The following DNAH10 variants were observed in gnomAD, a reference collection of about 807,000 sequenced individuals.
DNAH10 encodes axonemal beta dynein heavy chain 10.
In DNAH10, 348 loss-of-function variants were observed where a neutral mutation model predicts 506.6. The ratio of observed to expected loss-of-function variants is 0.69; its 90% confidence interval spans 0.63 to 0.75. The LOEUF (loss-of-function observed/expected upper bound fraction) is 0.75. Ranked by LOEUF, DNAH10 falls within the 30% of genes least tolerant of loss-of-function variation. The pLI is 0.00. For missense variants in DNAH10, 5,179 were observed against 5,787.1 expected, an observed-to-expected ratio of 0.89 and a Z score of 3.41; for synonymous variants, 2,059 against 2,198.6, an observed-to-expected ratio of 0.94 and a Z score of 1.78.
chr12:123,805,807 C>T (rs1237379599), intron 18 of DNAH10, among the ~76,000 whole-genome samples: 54 of 147,298 alleles, frequency 3.7e-4, no homozygotes, highest in African/African-American at 1.2e-3. Context: ...GACAGAGTCT[C>T]GCTCTGTCGC....
At position 123,910,173 on chromosome 12, in the gene DNAH10, C is replaced by T. The variant is rs559337494; in HGVS notation, c.9998-363C>T. Among the ~76,000 whole-genome samples the T allele has an allele frequency of 4.6e-5, 7 of 152,306 alleles. No individual in the cohort carries two copies. In the South Asian group the frequency reaches 1.2e-3, roughly 27 times the overall value. ...TCTGAATCTTCATTGGATGGACTTCCGTTTATGTGAAATTACTCCTGGGGT... is the reference window on the plus strand; with the variant it reads ...TCTGAATCTTCATTGGATGGACTTCTGTTTATGTGAAATTACTCCTGGGGT... On this transcript the variant is annotated intron_variant, in intron 58 of 78. Transcript: ENST00000673944.
At position 123,852,737 on chromosome 12, in the gene DNAH10, C is replaced by T. The variant is rs577847042; in HGVS notation, c.6292-469C>T. On this transcript the variant is annotated intron_variant, in intron 35 of 78. Transcript: ENST00000673944. ...TATAGGCATGCGCCACCACGCCTGG[C>T]TAATTTTTATATTTTTAGTAGAGAC... Among the ~76,000 whole-genome samples, 17 of 152,252 alleles carry T rather than the reference C, an allele frequency of 1.1e-4. No homozygotes were observed. The South Asian group carries it at 3.5e-3, about 31-fold the overall frequency.
At position 123,843,157 on chromosome 12, in the gene DNAH10, G is replaced by T. The variant is rs191639092; in HGVS notation, c.5360+1612G>T. Among the ~76,000 whole-genome samples, 32 of 152,354 alleles carry T rather than the reference G, an allele frequency of 2.1e-4. No individual in the cohort carries two copies. In the East Asian group the frequency reaches 5.8e-3, roughly 28 times the overall value. On this transcript the variant is annotated intron_variant, in intron 30 of 78. Coordinates refer to ENST00000673944, the MANE Select transcript of DNAH10 (RefSeq NM_001372106.1). ...GAATGCAGCCTGATGGACTGAAAAA[G>T]ATCTTTTTCTCATCCAGATGCTCCT... is the stretch of plus-strand genomic sequence containing the variant.
rs559739611 is a variant in DNAH10, at chr12:123,813,434, T to A, written c.3415T>A (p.Tyr1139Asn). ...TGCCAAGAAACCTCCTTGTGTAGCATATGATGAAAAGTTGCAGTTCTATTC... is the reference window on the plus strand; with the variant it reads ...TGCCAAGAAACCTCCTTGTGTAGCAAATGATGAAAAGTTGCAGTTCTATTC... ...FAAKKPPCVA[Y>N]DEKLQFYSKI... is the part of the protein sequence containing the mutation. The change falls in exon 20 of 79, where the codon TAT (tyrosine) becomes AAT (asparagine). Residue 1139 changes from tyrosine to asparagine, a missense_variant. Transcript: ENST00000673944. The A allele has an allele frequency of 6.2e-7, 1 of 1,614,214 alleles. No homozygotes were observed. Among genetic ancestry groups the A allele is most frequent in the African/African-American group, 1.3e-5 (1 of 75,044 alleles).
intron 60 of DNAH10, 98 bp from the exon 61 acceptor site, chr12:123,914,231 C>G: frequency 9.2e-7 from 1 of 1,086,014 alleles, no homozygotes; most frequent in Non-Finnish European, 1.3e-6. Flanking sequence ...ATCTGGCTAG[C>G]CCTGTTAGCA....
chr12:123,923,762 G>A lies in DNAH10; in HGVS notation c.11507-1G>A. 6.2e-7 allele frequency: 1 copy of A among 1,602,930 alleles called. No individual in the cohort carries two copies. Among genetic ancestry groups the A allele is most frequent in the Non-Finnish European group, 8.5e-7 (1 of 1,176,240 alleles). Reference sequence around the variant, plus strand: ...AATACTCATCTGATGTTTCCCTCCAGGGCTGTTTGAGAGGCACAAGCTACT... The same window carrying A: ...AATACTCATCTGATGTTTCCCTCCAAGGCTGTTTGAGAGGCACAAGCTACT... On this transcript the variant is annotated splice_acceptor_variant, in intron 65 of 78. Coordinates refer to ENST00000673944, the MANE Select transcript of DNAH10 (RefSeq NM_001372106.1). LOFTEE classifies it high-confidence loss of function.
intron 3 of DNAH10, 89 bp from the exon 4 acceptor site, chr12:123,772,745 G>T: frequency 1.0e-6 from 1 of 959,182 alleles, no homozygotes. Flanking sequence ...ATTGTGTTGA[G>T]AGGAGAGCTT....
chr12:123,847,067 T>G (rs962531881), intron 32 of DNAH10, among the ~76,000 whole-genome samples: 4 of 151,490 alleles, frequency 2.6e-5, no homozygotes, highest in Non-Finnish European at 5.9e-5. Context: ...TGGATGGCTG[T>G]CTGTCTGTCT....
intron 35 of DNAH10, among the ~76,000 whole-genome samples, chr12:123,852,977 G>T (rs192778366): frequency 1.3e-5 from 2 of 152,226 alleles, no homozygotes; most frequent in East Asian, 1.9e-4. Flanking sequence ...AGATAGTGAA[G>T]ATTTTGGTAA....
Position 123,879,816 on chromosome 12 carries a change from C to A in DNAH10, c.8634+15C>A. On this transcript the variant is annotated intron_variant, in intron 50 of 78. Transcript: ENST00000673944. ...CTCTGTTCCAGGTGGGGATGAGCCC[C>A]ACCCTGTCCATGGGCTCACTTTCTC... 6.2e-7 allele frequency: 1 copy of A among 1,611,234 alleles called. No individual in the cohort carries two copies. Among genetic ancestry groups the A allele is most frequent in the Non-Finnish European group, 8.5e-7 (1 of 1,178,110 alleles).
intron 24 of DNAH10, among the ~76,000 whole-genome samples, chr12:123,825,111 G>A (rs530021529): frequency 2.0e-5 from 3 of 152,252 alleles, no homozygotes; most frequent in African/African-American, 7.2e-5. Flanking sequence ...TCTTGGAAAC[G>A]TGTTTCCAGG....
At position 123,846,907 on chromosome 12, in the gene DNAH10, A is replaced by T. The variant is rs929077712; in HGVS notation, c.5814+753A>T. On this transcript the variant is annotated intron_variant, in intron 32 of 78. Coordinates refer to ENST00000673944, the MANE Select transcript of DNAH10 (RefSeq NM_001372106.1). This position sits in a 1 kb window ranked among gnomAD's most constrained non-coding sequence, Gnocchi z 4.5. ...CACCATGGGATTTGGGGGGACAAGG[A>T]TAAAGGGAATGAGTGAGAACAGGAA... Among the ~76,000 whole-genome samples the T allele has an allele frequency of 6.6e-6, 1 of 152,156 alleles. No homozygotes were observed.
rs184081282 is a variant in DNAH10, at chr12:123,850,518, G to A, written c.6103-370G>A. On this transcript the variant is annotated intron_variant, in intron 34 of 78. Transcript: ENST00000673944. The surrounding 1 kb of genome is among the most constrained non-coding windows in gnomAD (Gnocchi z 5.5). Reference sequence around the variant, plus strand: ...CCTTTCATCGCCACAGCCGTGCCACGAGGTGGGTTGCATTTCTGTTGTGCA... The same window carrying A: ...CCTTTCATCGCCACAGCCGTGCCACAAGGTGGGTTGCATTTCTGTTGTGCA... 3.5e-4 allele frequency among the ~76,000 whole-genome samples: 54 copies of A among 152,314 alleles called. No individual in the cohort carries two copies. Among genetic ancestry groups the A allele is most frequent in the Middle Eastern group, 3.4e-3 (1 of 294 alleles).
chr12:123,773,003 G>A, intron 4 of DNAH10, 61 bp downstream of exon 4: 3 of 1,127,452 alleles, frequency 2.7e-6, no homozygotes. Context: ...GCATGCACTT[G>A]TTCACTCTCA....
chr12:123,871,997 C>T (rs1404454036), intron 45 of DNAH10, among the ~76,000 whole-genome samples: 1 of 152,210 alleles, frequency 6.6e-6, no homozygotes. Context: ...CACATACCCT[C>T]CCTTCTGCCC....
At chr12:123,882,731 G>A (rs1203767673) in intron 51 of DNAH10, among the ~76,000 whole-genome samples, 1 of 142,762 alleles carries the variant, frequency 7.0e-6, no homozygotes, top group Non-Finnish European at 1.5e-5. Context: ...GGCAGAGGTT[G>A]CAGTGAGCTG....
chr12:123,779,963 TG>T (rs1957581585), intron 5 of DNAH10, among the ~76,000 whole-genome samples: 1 of 152,156 alleles, frequency 6.6e-6, no homozygotes, highest in Admixed American at 6.5e-5. Context: ...TTATGTGGGC[TG>T]GGGGCTAAGT....
intron 32 of DNAH10, among the ~76,000 whole-genome samples, chr12:123,847,308 TTATCTATC>T (rs71308008): frequency 0.03 from 4,531 of 149,008 alleles, 109 homozygotes; most frequent in Middle Eastern, 0.069. Context: ...ATCATCTATT[TTATCTATC>T]TATCTATCTA....
chr12:123,779,604 G>GGAGAGAGA (rs33916907), intron 5 of DNAH10, among the ~76,000 whole-genome samples: 2,312 of 149,652 alleles, frequency 0.015, 25 homozygotes, highest in South Asian at 0.034. Context: ...TGGGGGTGGG[G>GGAGAGAGA]GAGAGAGAGA....
Sources: gnomAD v4.1 joint callset for allele counts (sites outside exome capture counted in the v4.1 genomes callset) on GRCh38, gnomAD v4.1.1 for gene constraint, Gnocchi (gnomAD v3.1) non-coding constraint, MANE v1.5 for transcripts, NCBI Gene and HGNC (gene_info 2026-07-23, HGNC 2026-07-21) for gene names.